The following LPIN1 variants were observed in gnomAD, a reference collection of about 807,000 sequenced individuals.
LPIN1 encodes lipin 1.
In LPIN1, 71 loss-of-function variants were observed where a neutral mutation model predicts 107.5. The observed-to-expected ratio is 0.66, with a 90% CI of 0.55 to 0.80. LPIN1 has a LOEUF of 0.80. Ranked by LOEUF, LPIN1 falls within the 30% of genes least tolerant of loss-of-function variation. The probability of loss-of-function intolerance (pLI) is 0.00; values close to 1 mark genes in which losing one functional copy is unlikely to be tolerated. For synonymous variants in LPIN1, 445 were observed against 452.6 expected (o/e 0.98, Z 0.21); for missense variants, 1,043 against 1,160.6 (o/e 0.90, Z 1.47).
chr2:11,702,766 G>GTC (rs1210674598), intron 1 of LPIN1, among the ~76,000 whole-genome samples: 1 of 152,078 alleles, frequency 6.6e-6, no homozygotes, highest in Admixed American at 6.5e-5. Context: ...CTGCTTCTCT[G>GTC]TCTCTCTCTG....
At chr2:11,700,999 G>A (rs1052347561) in intron 1 of LPIN1, among the ~76,000 whole-genome samples, 4 of 152,150 alleles carry the variant, frequency 2.6e-5, no homozygotes, top group Admixed American at 6.5e-5. Flanking sequence ...TCTAATCTCT[G>A]TGCAGCCTCT....
intron 17 of LPIN1, among the ~76,000 whole-genome samples, chr2:11,811,485 G>T (rs1198508483): frequency 1.3e-5 from 2 of 152,186 alleles, no homozygotes; most frequent in Non-Finnish European, 2.9e-5. Flanking sequence ...GTTTAGTCAG[G>T]CAAGAAGGCT....
At chr2:11,714,269 C>T (rs1663589662) in intron 2 of LPIN1, among the ~76,000 whole-genome samples, 1 of 152,246 alleles carries the variant, frequency 6.6e-6, no homozygotes, top group Non-Finnish European at 1.5e-5. Flanking sequence ...CTCTTCCTCC[C>T]ACCGCAGCCT....
intron 1 of LPIN1, among the ~76,000 whole-genome samples, chr2:11,748,839 C>T (rs950157011): frequency 3.3e-5 from 5 of 152,176 alleles, no homozygotes; most frequent in Admixed American, 1.3e-4. Context: ...GGCTGTTGCA[C>T]GGATGTCGGC....
intron 1 of LPIN1, among the ~76,000 whole-genome samples, chr2:11,702,058 A>C (rs1558732048): frequency 6.6e-6 from 1 of 152,110 alleles, no homozygotes; most frequent in Non-Finnish European, 1.5e-5. Context: ...TGGGTATGGG[A>C]AGACAGACAG....
At chr2:11,810,834 C>T (rs1679522785) in intron 17 of LPIN1, among the ~76,000 whole-genome samples, 2 of 152,210 alleles carry the variant, frequency 1.3e-5, no homozygotes, top group African/African-American at 4.8e-5. Context: ...TTGCAAAATG[C>T]TCCCGAAGGT....
chr2:11,712,619 C>A (rs1260380509), intron 1 of LPIN1, among the ~76,000 whole-genome samples: 1 of 151,680 alleles, frequency 6.6e-6, no homozygotes, highest in African/African-American at 2.4e-5. Flanking sequence ...CAAATATGTG[C>A]TGGAAAAGCT....
chr2:11,720,505 C>T (rs1664051610), upstream of LPIN1, among the ~76,000 whole-genome samples: 1 of 152,072 alleles, frequency 6.6e-6, no homozygotes, highest in Admixed American at 6.5e-5. Flanking sequence ...ACAGGGAGAA[C>T]TGACATAGCG....
chr2:11,719,657 C>T (rs1262255308), upstream of LPIN1, among the ~76,000 whole-genome samples: 1 of 152,170 alleles, frequency 6.6e-6, no homozygotes, highest in Non-Finnish European at 1.5e-5. Flanking sequence ...TTGTCTCTTG[C>T]TCCGTCTGGC....
intron 1 of LPIN1, among the ~76,000 whole-genome samples, chr2:11,753,726 GACTTCCTCTTTGCCGTA>G (rs1368087927): frequency 6.6e-6 from 1 of 152,224 alleles, no homozygotes. Context: ...GCTCTGAAAA[GACTTCCTCTTTGCCGTA>G]AGTGTAAATT....
At chr2:11,814,513 T>C (rs945160406) in intron 17 of LPIN1, among the ~76,000 whole-genome samples, 1 of 31,392 alleles carries the variant, frequency 3.2e-5, no homozygotes, top group African/African-American at 1.5e-4. Context: ...TGTGTGTGCA[T>C]GTGTGTGTGT....
chr2:11,727,356 C>A (rs1025031218), intron 1 of LPIN1, among the ~76,000 whole-genome samples: 35 of 152,120 alleles, frequency 2.3e-4, no homozygotes, highest in African/African-American at 8.4e-4. Context: ...ATCTAATTTC[C>A]TGTGTTCTTT....
At position 11,805,973 on chromosome 2, in the gene LPIN1, C is replaced by T. The variant is rs571931080; in HGVS notation, c.2249+817C>T. Among the ~76,000 whole-genome samples, 18 of 152,286 alleles carry T rather than the reference C, an allele frequency of 1.2e-4. 1 individual carries two copies. In the East Asian group the frequency reaches 1.4e-3, roughly 11 times the overall value. On this transcript the variant is annotated intron_variant, in intron 17 of 20. Coordinates refer to ENST00000674199, the MANE Select transcript of LPIN1 (RefSeq NM_001349206.2). ...TCATGCCTCCTCCAGCCTTTTGTGGCCTAGAGTCTCCCATGCGAGTGAAAT... is the reference window on the plus strand; with the variant it reads ...TCATGCCTCCTCCAGCCTTTTGTGGTCTAGAGTCTCCCATGCGAGTGAAAT...
intron 1 of LPIN1, among the ~76,000 whole-genome samples, chr2:11,747,968 T>C (rs1667215500): frequency 6.6e-6 from 1 of 152,214 alleles, no homozygotes; most frequent in South Asian, 2.1e-4. Flanking sequence ...CTGAGCTCTG[T>C]GGGACCCTGA....
chr2:11,787,106 C>T lies in LPIN1; in HGVS notation c.1582C>T (p.Gln528Ter), dbSNP rs1171013095. ...AFLEQAVSYQ[Q>*]FVDNPAIIDD... is the part of the protein sequence containing the mutation. ...CCTGGAGCAAGCTGTGTCATATCAA[C>T]AGTTTGTGGACAACCCCGCTATTAT... The change falls in exon 11 of 21, where the codon CAG (glutamine) becomes TAG (stop). Residue 528 changes from glutamine (Q) to a stop codon, truncating the protein, a stop_gained. Coordinates refer to ENST00000674199, the MANE Select transcript of LPIN1 (RefSeq NM_001349206.2). LOFTEE classifies it high-confidence loss of function. 2 of 1,613,944 alleles carry T rather than the reference C, an allele frequency of 1.2e-6. No homozygotes were observed. The highest frequency in any genetic ancestry group is 1.3e-5 in the African/African-American group (1 of 74,938).
chr2:11,788,420 C>T lies in LPIN1; in HGVS notation c.1677C>T (p.Leu559=). 1.9e-6 allele frequency: 3 copies of T among 1,614,070 alleles called. No homozygotes were observed. Among genetic ancestry groups the T allele is most frequent in the South Asian group, 2.2e-5 (2 of 91,088 alleles). The part of the protein sequence containing the change: ...YYNWTTAAPL[L]LAMQAFQKPL... ...ACTGGACAACAGCAGCACCCCTCCT[C>T]CTGGCAATGCAGGCCTTCCAGAAAC... The change falls in exon 12 of 21, where the codon CTC becomes CTT. Residue 559 remains leucine, a synonymous_variant. Transcript: ENST00000674199.
In LPIN1 at chr2:11,697,116, G is replaced by T. The variant is rs570768938; in HGVS notation, c.82-16640G>T. Among the ~76,000 whole-genome samples, 3 of 152,368 alleles carry T rather than the reference G, an allele frequency of 2.0e-5. No homozygotes were observed. In the South Asian group the frequency reaches 6.2e-4, roughly 32 times the overall value. ...GTGAGAACAGATGCGTAGTCCCGGA[G>T]CTCAAGTTCTGGGAAGGGCAGTGCC... is the stretch of plus-strand genomic sequence containing the variant. On this transcript the variant is annotated intron_variant, in intron 1 of 21. Transcript: ENST00000449576. This position sits in a 1 kb window ranked among gnomAD's most constrained non-coding sequence, Gnocchi z 4.6.
intron 1 of LPIN1, among the ~76,000 whole-genome samples, chr2:11,747,382 AG>A (rs373895677): frequency 4.0e-3 from 608 of 152,302 alleles, no homozygotes; most frequent in African/African-American, 0.014. Flanking sequence ...ACGTTTTGGG[AG>A]TAACTTAAGT....
At chr2:11,790,853 T>C (rs1675596665) in intron 12 of LPIN1, among the ~76,000 whole-genome samples, 1 of 152,256 alleles carries the variant, frequency 6.6e-6, no homozygotes, top group African/African-American at 2.4e-5. Context: ...CTTGTTCTAC[T>C]TACTACTCTT....
Sources: allele counts gnomAD v4.1 joint callset (sites outside exome capture counted in the v4.1 genomes callset), GRCh38; gene constraint gnomAD v4.1.1; non-coding constraint Gnocchi (gnomAD v3.1); transcripts MANE v1.5; gene names NCBI Gene and HGNC (gene_info 2026-07-23, HGNC 2026-07-21).